The following MBP variants were observed in gnomAD, a reference collection of about 807,000 sequenced individuals.
MBP encodes Golli-MBP.
MBP carries 16 observed loss-of-function variants against 35.8 expected under a neutral mutation model. The observed-to-expected ratio is 0.45, with a 90% CI of 0.30 to 0.68. The LOEUF (loss-of-function observed/expected upper bound fraction) is 0.68. MBP is among the 30% of genes least tolerant of loss of function. The pLI, the probability that MBP is intolerant of heterozygous loss-of-function variation, is 0.08. For synonymous variants in MBP, 143 were observed against 159.6 expected, an observed-to-expected ratio of 0.90 and a Z score of 0.78; for missense variants, 380 against 404.7, an observed-to-expected ratio of 0.94 and a Z score of 0.52.
intron 3 of MBP, among the ~76,000 whole-genome samples, chr18:77,060,473 G>C (rs57069317): frequency 0.42 from 51,694 of 123,008 alleles, 12,424 homozygotes; most frequent in African/African-American, 0.71. Context: ...TTTTTTATGA[G>C]GCGGAGTTTT....
chr18:77,052,269 G>A (rs754106752), intron 3 of MBP, among the ~76,000 whole-genome samples: 6 of 152,214 alleles, frequency 3.9e-5, no homozygotes, highest in Non-Finnish European at 8.8e-5. Context: ...CCAAATAGAA[G>A]TGCTTTCAAA....
chr18:76,998,524 C>T (rs1365496104), intron 4 of MBP, among the ~76,000 whole-genome samples: 7 of 138,594 alleles, frequency 5.1e-5, no homozygotes, highest in Non-Finnish European at 8.5e-5. Context: ...CATGACATTC[C>T]CATGCCCTCG....
At chr18:77,060,346 T>C (rs1384894514) in intron 3 of MBP, among the ~76,000 whole-genome samples, 1 of 151,916 alleles carries the variant, frequency 6.6e-6, no homozygotes, top group Non-Finnish European at 1.5e-5. Flanking sequence ...TGAAAAATGC[T>C]AATGAACGGC....
chr18:76,993,757 C>T (rs1338278216), intron 4 of MBP, among the ~76,000 whole-genome samples: 6 of 152,152 alleles, frequency 3.9e-5, no homozygotes, highest in East Asian at 3.9e-4. Flanking sequence ...TGCCTGTGGC[C>T]GGCGCTTCAT....
chr18:77,077,672 C>A (rs144160264), intron 2 of MBP, among the ~76,000 whole-genome samples: 2,831 of 152,290 alleles, frequency 0.019, 85 homozygotes, highest in African/African-American at 0.064. Context: ...GAAGGGCCTG[C>A]AGAGCTGTCC....
chr18:77,008,178 C>T (rs1971108295), intron 4 of MBP, among the ~76,000 whole-genome samples: 1 of 152,204 alleles, frequency 6.6e-6, no homozygotes, highest in African/African-American at 2.4e-5. Flanking sequence ...TCACCCCTCC[C>T]ACACATCAGA....
At chr18:76,999,842 G>A (rs1970535859) in intron 4 of MBP, among the ~76,000 whole-genome samples, 1 of 152,134 alleles carries the variant, frequency 6.6e-6, no homozygotes, top group Admixed American at 6.5e-5. Flanking sequence ...AGCCAAAACT[G>A]TGAACATTTT....
intron 2 of MBP, among the ~76,000 whole-genome samples, chr18:77,084,243 T>C (rs1466931922): frequency 1.3e-5 from 2 of 152,062 alleles, no homozygotes; most frequent in Admixed American, 6.5e-5. Flanking sequence ...ATGAGTACTG[T>C]GAAGCTTGTC....
intron 3 of MBP, among the ~76,000 whole-genome samples, chr18:77,032,617 C>G (rs72973200): frequency 0.012 from 1,804 of 152,338 alleles, 16 homozygotes; most frequent in South Asian, 0.028. Flanking sequence ...GTTCCTTCCT[C>G]CTTCAGCGCG....
chr18:77,093,788 G>A (rs1484252353), intron 2 of MBP, among the ~76,000 whole-genome samples: 1 of 152,014 alleles, frequency 6.6e-6, no homozygotes, highest in Non-Finnish European at 1.5e-5. Context: ...TGGACACCCC[G>A]CCCAGCAGCC....
rs1969673434 is a variant in MBP at position 76,988,232 on chromosome 18, A to C, written c.750+263T>G. On this transcript the variant is annotated intron_variant, in intron 7 of 8. Transcript: ENST00000355994. The surrounding 1 kb of genome is among the most constrained non-coding windows in gnomAD (Gnocchi z 5.2). ...AGGGAGACCAGTCACGTCGCCTGGGAACCCTCTGGGAGAAGAGGATCTGGC... is the reference window on the plus strand; with the variant it reads ...AGGGAGACCAGTCACGTCGCCTGGGCACCCTCTGGGAGAAGAGGATCTGGC... 40 of 1,549,734 alleles carry C rather than the reference A, an allele frequency of 2.6e-5. No homozygotes were observed. Among genetic ancestry groups the C allele is most frequent in the Non-Finnish European group, 3.2e-5 (37 of 1,146,968 alleles).
intron 1 of MBP, chr18:77,108,413 AAACT>A (rs1225852993): frequency 2.0e-5 from 3 of 152,246 alleles, no homozygotes; most frequent in African/African-American, 7.2e-5. Context: ...AGCCTTTTGT[AAACT>A]AATAGAAAAG....
intron 3 of MBP, among the ~76,000 whole-genome samples, chr18:77,059,009 C>CT (rs1179544273): frequency 2.3e-4 from 1 of 4,278 alleles, no homozygotes; most frequent in African/African-American, 2.5e-4. Flanking sequence ...TGGAAGCGTG[C>CT]TGGGGAAATA....
chr18:77,061,828 G>C (rs918961729), intron 3 of MBP, among the ~76,000 whole-genome samples: 2 of 152,156 alleles, frequency 1.3e-5, no homozygotes, highest in African/African-American at 4.8e-5. Context: ...AATGTTTCTG[G>C]GATGAATACT....
chr18:77,073,268 C>G (rs1209933675), intron 2 of MBP, among the ~76,000 whole-genome samples: 1 of 152,124 alleles, frequency 6.6e-6, no homozygotes, highest in African/African-American at 2.4e-5. Flanking sequence ...TCAGCATCAT[C>G]TAGTTTTACA....
chr18:77,126,266 T>A (rs1240594613), intron 1 of MBP, among the ~76,000 whole-genome samples: 2 of 152,182 alleles, frequency 1.3e-5, no homozygotes, highest in Non-Finnish European at 2.9e-5. Flanking sequence ...TGGGTCAGCA[T>A]TAGAGAGTCA....
At chr18:76,997,166 T>C (rs1259759429) in intron 4 of MBP, among the ~76,000 whole-genome samples, 1 of 152,222 alleles carries the variant, frequency 6.6e-6, no homozygotes, top group Non-Finnish European at 1.5e-5. Context: ...TCCAGCTAGA[T>C]TTTAATCTTT....
chr18:77,089,774 T>C (rs1975427694), intron 2 of MBP, among the ~76,000 whole-genome samples: 1 of 152,204 alleles, frequency 6.6e-6, no homozygotes, highest in Admixed American at 6.5e-5. Context: ...AAATACAGCA[T>C]AGGGAGTCTG....
intron 3 of MBP, among the ~76,000 whole-genome samples, chr18:77,039,057 G>T (rs1296603966): frequency 6.6e-6 from 1 of 152,186 alleles, no homozygotes; most frequent in Non-Finnish European, 1.5e-5. Context: ...ACACATGAAA[G>T]ACATAGGCCA....
Sources: gnomAD v4.1 joint callset for allele counts (sites outside exome capture counted in the v4.1 genomes callset) on GRCh38, gnomAD v4.1.1 for gene constraint, Gnocchi (gnomAD v3.1) non-coding constraint, MANE v1.5 for transcripts, NCBI Gene and HGNC (gene_info 2026-07-23, HGNC 2026-07-21) for gene names.